The following PTPRJ variants were observed in gnomAD, a reference collection of about 807,000 sequenced individuals.
PTPRJ encodes the protein receptor-type tyrosine-protein phosphatase eta.
A neutral mutation model predicts 141.3 loss-of-function variants in PTPRJ; 129 were observed. That is an observed-to-expected ratio of 0.91 (90% CI 0.79 to 1.06). PTPRJ has a LOEUF of 1.06. Ranked by LOEUF, PTPRJ falls within the 50% of genes least tolerant of loss-of-function variation. The probability of loss-of-function intolerance (pLI) is 0.00; values close to 1 mark genes in which losing one functional copy is unlikely to be tolerated. For synonymous variants in PTPRJ, 610 were observed against 640.5 expected, an observed-to-expected ratio of 0.95 and a Z score of 0.72; for missense variants, 1,601 against 1,679.7, an observed-to-expected ratio of 0.95 and a Z score of 0.82.
chr11:47,985,886 A>G (rs1029214455), intron 1 of PTPRJ, among the ~76,000 whole-genome samples: 1 of 152,054 alleles, frequency 6.6e-6, no homozygotes, highest in African/African-American at 2.4e-5. Context: ...TTTTTAGTAG[A>G]GATGAGGTTT....
At chr11:48,138,345 C>G (rs1253888918) in intron 10 of PTPRJ, among the ~76,000 whole-genome samples, 2 of 152,116 alleles carry the variant, frequency 1.3e-5, no homozygotes, top group African/African-American at 4.8e-5. Context: ...TAGCCTATAG[C>G]AAGAGAAAAA....
intron 1 of PTPRJ, among the ~76,000 whole-genome samples, chr11:48,061,198 A>C (rs1854912765): frequency 6.6e-6 from 1 of 151,614 alleles, no homozygotes; most frequent in Admixed American, 6.6e-5. Context: ...CTGATCTCGA[A>C]CTCCTGACCT....
chr11:48,132,736 G>A (rs1405551425), intron 8 of PTPRJ: 1 of 960,568 alleles, frequency 1.0e-6, no homozygotes, highest in African/African-American at 1.8e-5. Context: ...CAGATTCCTT[G>A]AAACACACAT....
intron 1 of PTPRJ, among the ~76,000 whole-genome samples, chr11:48,103,712 A>T (rs558884013): frequency 6.6e-6 from 1 of 152,350 alleles, no homozygotes; most frequent in East Asian, 1.9e-4. Context: ...CTATACCCGT[A>T]TGTATGGAGT....
intron 12 of PTPRJ, among the ~76,000 whole-genome samples, chr11:48,143,870 C>T (rs2134368327): frequency 6.9e-6 from 1 of 145,504 alleles, no homozygotes; most frequent in South Asian, 2.3e-4. Flanking sequence ...CTCCCCTTCT[C>T]CTTCCCTTCC....
rs79158496 is a variant in PTPRJ at position 48,149,984 on chromosome 11, A to G, written c.3042-6A>G. The G allele has an allele frequency of 1.7e-3, 2,448 of 1,461,848 alleles. 45 individuals are homozygous for G. The African/African-American group carries it at 0.03, about 18-fold the overall frequency. The allele number at this position is 1,461,848 out of a possible 1,614,324, so 90.6% of individuals were successfully genotyped here. ...CATATTTTTTCTTTCCCTTTCTATCATGAAGACCTAAAAAGTGAGTAATCT... is the reference window on the plus strand; with the variant it reads ...CATATTTTTTCTTTCCCTTTCTATCGTGAAGACCTAAAAAGTGAGTAATCT... On this transcript the variant is annotated splice_region_variant and splice_polypyrimidine_tract_variant and intron_variant, in intron 16 of 24. Transcript: ENST00000418331.
chr11:48,075,139 A>G (rs1489900584), intron 1 of PTPRJ, among the ~76,000 whole-genome samples: 1 of 151,720 alleles, frequency 6.6e-6, no homozygotes, highest in African/African-American at 2.4e-5. Context: ...TTATTTATTT[A>G]GTTAGTTAGT....
chr11:48,028,855 C>T (rs1565265479), intron 1 of PTPRJ, among the ~76,000 whole-genome samples: 1 of 152,206 alleles, frequency 6.6e-6, no homozygotes, highest in Non-Finnish European at 1.5e-5. Flanking sequence ...AAGCCTGATT[C>T]AGCCTGTAGC....
Position 47,983,617 on chromosome 11 carries a change from A to G in PTPRJ, c.96+2609A>G, listed in dbSNP as rs559440168. Among the ~76,000 whole-genome samples the G allele has an allele frequency of 3.9e-5, 6 of 152,310 alleles. No individual in the cohort carries two copies. In the South Asian group the frequency reaches 6.2e-4, roughly 16 times the overall value. On this transcript the variant is annotated intron_variant, in intron 1 of 24. Coordinates refer to ENST00000418331, the MANE Select transcript of PTPRJ (RefSeq NM_002843.4). ...AAGGACGGTCAGAGATGATTCCAAC[A>G]TGAGGACTTTGCTAGTTGCAGTGTC...
At position 48,121,148 on chromosome 11, in the gene PTPRJ, G is replaced by A. The variant is rs1344278273; in HGVS notation, c.498G>A (p.Val166=). 23 of 1,613,980 alleles carry A rather than the reference G, an allele frequency of 1.4e-5. No homozygotes were observed. The highest frequency in any genetic ancestry group is 1.9e-5 in the Non-Finnish European group (22 of 1,180,004). The change falls in exon 4 of 25, where the codon GTG becomes GTA. Residue 166 remains valine, a synonymous_variant. Coordinates refer to ENST00000418331, the MANE Select transcript of PTPRJ (RefSeq NM_002843.4). The stretch of plus-strand genomic sequence containing the variant: ...AAAATGAGAAGACAATTACTGTTGT[G>A]CATCAACCATGGTGTAACATCACAG... The part of the protein sequence containing the change: ...KMENEKTITV[V]HQPWCNITGL...
At chr11:48,086,700 C>T (rs184937930) in intron 1 of PTPRJ, among the ~76,000 whole-genome samples, 5 of 152,342 alleles carry the variant, frequency 3.3e-5, no homozygotes, top group African/African-American at 9.6e-5. Flanking sequence ...AGGCCACCTG[C>T]GTCTCTCGAC....
intron 1 of PTPRJ, among the ~76,000 whole-genome samples, chr11:48,103,602 A>G (rs1856209430): frequency 6.6e-6 from 1 of 152,242 alleles, no homozygotes; most frequent in Admixed American, 6.5e-5. Flanking sequence ...TTATACATCA[A>G]TTATGTTCAA....
chr11:48,103,177 C>T (rs370996643), intron 1 of PTPRJ, among the ~76,000 whole-genome samples: 2 of 152,256 alleles, frequency 1.3e-5, no homozygotes, highest in African/African-American at 4.8e-5. Context: ...AGAGCAGTTG[C>T]TCAGGATGGA....
chr11:48,129,721 C>T (rs996133227), intron 7 of PTPRJ, among the ~76,000 whole-genome samples: 11 of 152,084 alleles, frequency 7.2e-5, no homozygotes, highest in African/African-American at 7.2e-5. Context: ...GCTGTAGTTG[C>T]GGGATCCAGG....
chr11:47,981,294 C>G (rs1182494164), intron 1 of PTPRJ, among the ~76,000 whole-genome samples: 4 of 152,186 alleles, frequency 2.6e-5, no homozygotes, highest in African/African-American at 9.6e-5. Flanking sequence ...CGTCCCTGGC[C>G]CGGCTCTTCC....
intron 23 of PTPRJ, 47 bp downstream of exon 23, chr11:48,163,665 A>G (rs558362652): frequency 1.3e-6 from 2 of 1,558,610 alleles, no homozygotes; most frequent in East Asian, 2.3e-5. Flanking sequence ...ATGTCATTAT[A>G]TATTTATGAG....
At chr11:48,002,822 A>G (rs1366519481) in intron 1 of PTPRJ, among the ~76,000 whole-genome samples, 1 of 152,210 alleles carries the variant, frequency 6.6e-6, no homozygotes, top group Non-Finnish European at 1.5e-5. Context: ...TAGTTGAGGC[A>G]GGCAGGCCTC....
intron 1 of PTPRJ, among the ~76,000 whole-genome samples, chr11:48,011,143 A>T (rs1228390680): frequency 1.3e-5 from 2 of 152,138 alleles, no homozygotes; most frequent in African/African-American, 2.4e-5. Flanking sequence ...TTCAGCTTTC[A>T]TTGTCATGCG....
intron 1 of PTPRJ, among the ~76,000 whole-genome samples, chr11:48,069,995 T>A (rs1362617283): frequency 6.6e-6 from 1 of 152,198 alleles, no homozygotes; most frequent in Middle Eastern, 3.2e-3. Context: ...GCTTGGATCA[T>A]CCCAAAATAT....
Sources: allele counts gnomAD v4.1 joint callset (sites outside exome capture counted in the v4.1 genomes callset), GRCh38; gene constraint gnomAD v4.1.1; transcripts MANE v1.5; gene names NCBI Gene and HGNC (gene_info 2026-07-23, HGNC 2026-07-21).